Variants in CSTPP1 observed in about 807,000 individuals in gnomAD.
The protein encoded by CSTPP1 is centriolar satellite-associated tubulin polyglutamylase complex regulator 1.
the CSTPP1 span, among the ~76,000 whole-genome samples, chr11:46,993,277 A>T: frequency 6.6e-6 from 1 of 151,274 alleles, no homozygotes; most frequent in East Asian, 1.9e-4. Context: ...TTTTGTTGCC[A>T]TTGCTTTTGG....
the CSTPP1 span, among the ~76,000 whole-genome samples, chr11:47,017,207 C>A: frequency 7.5e-6 from 1 of 133,316 alleles, no homozygotes; most frequent in African/African-American, 2.9e-5. Context: ...TGGAGTCTCA[C>A]TCTGTTCCCC....
At chr11:47,025,323 AC>A in the CSTPP1 span, among the ~76,000 whole-genome samples, 2 of 152,322 alleles carry the variant, frequency 1.3e-5, no homozygotes, top group East Asian at 3.9e-4. Context: ...GTTATATAGG[AC>A]ATGTTGAGAT....
chr11:47,090,068 G>A, the CSTPP1 span, among the ~76,000 whole-genome samples: 1 of 152,102 alleles, frequency 6.6e-6, no homozygotes, highest in Non-Finnish European at 1.5e-5. Context: ...CACAACCTCT[G>A]CCTCCCAGGT....
the CSTPP1 span, among the ~76,000 whole-genome samples, chr11:47,090,255 G>T: frequency 0.078 from 11,940 of 152,206 alleles, 490 homozygotes; most frequent in Non-Finnish European, 0.09. Flanking sequence ...AAAGTGCTAG[G>T]ATTACAGGCG....
At chr11:47,163,024 C>A in the CSTPP1 span, among the ~76,000 whole-genome samples, 201 of 152,074 alleles carry the variant, frequency 1.3e-3, no homozygotes, top group African/African-American at 4.7e-3. Flanking sequence ...TACAAAATAA[C>A]CTTAGCCAGG....
chr11:47,159,950 G>A, the CSTPP1 span: 3 of 330,298 alleles, frequency 9.1e-6, no homozygotes, highest in Admixed American at 1.2e-4. Context: ...GTTGCAGTGA[G>A]CCAAGATCGC....
the CSTPP1 span, among the ~76,000 whole-genome samples, chr11:47,062,384 T>C: frequency 1.3e-5 from 2 of 152,204 alleles, no homozygotes; most frequent in African/African-American, 4.8e-5. Context: ...TCATTCATTT[T>C]ATCAGAGGAT....
At chr11:47,094,832 GAA>G in the CSTPP1 span, among the ~76,000 whole-genome samples, 1 of 152,144 alleles carries the variant, frequency 6.6e-6, no homozygotes, top group Admixed American at 6.5e-5. Context: ...TGTTTAAGAA[GAA>G]ATGGAGGCAC....
chr11:47,155,403 A>ACAGGAT, the CSTPP1 span: 1 of 780,966 alleles, frequency 1.3e-6, no homozygotes, highest in Non-Finnish European at 2.2e-6. Context: ...CGGGTCGCTA[A>ACAGGAT]CAGGATGTCT....
At chr11:47,160,444 G>GAGAT in the CSTPP1 span, 2 of 152,354 alleles carry the variant, frequency 1.3e-5, no homozygotes, top group African/African-American at 4.8e-5. Context: ...TAGAAATCCG[G>GAGAT]AGATACACTG....
chr11:47,099,234 T>G, the CSTPP1 span, among the ~76,000 whole-genome samples: 1 of 152,200 alleles, frequency 6.6e-6, no homozygotes. Flanking sequence ...AAAACCTAAA[T>G]AATGATACTA....
the CSTPP1 span, among the ~76,000 whole-genome samples, chr11:47,090,931 C>T: frequency 3.4e-5 from 5 of 148,904 alleles, no homozygotes; most frequent in African/African-American, 1.2e-4. Flanking sequence ...CCCAGCTACT[C>T]GGGAGGCTGA....
chr11:47,013,990 G>A, the CSTPP1 span, among the ~76,000 whole-genome samples: 1 of 152,040 alleles, frequency 6.6e-6, no homozygotes, highest in Non-Finnish European at 1.5e-5. Flanking sequence ...TGGATTGTTT[G>A]AGCCCAGGAG....
At chr11:47,160,957 A>G in the CSTPP1 span, 1 of 785,194 alleles carries the variant, frequency 1.3e-6, no homozygotes, top group Non-Finnish European at 2.0e-6. Flanking sequence ...AACAGCGAGC[A>G]CCTTCCTGCT....
the CSTPP1 span, among the ~76,000 whole-genome samples, chr11:47,036,034 G>GATATATATATATATATATATATATAT: frequency 3.9e-5 from 1 of 25,394 alleles, no homozygotes; most frequent in South Asian, 9.4e-4. Context: ...GGAGTGAAAA[G>GATATATATATATATATATATATATAT]ATATATATAT....
chr11:47,126,073 T>A, the CSTPP1 span, among the ~76,000 whole-genome samples: 3 of 152,238 alleles, frequency 2.0e-5, no homozygotes, highest in Non-Finnish European at 4.4e-5. Context: ...TATACTTTTC[T>A]CTTCCTAATC....
chr11:47,002,544 G>A, the CSTPP1 span, among the ~76,000 whole-genome samples: 1 of 152,096 alleles, frequency 6.6e-6, no homozygotes, highest in African/African-American at 2.4e-5. Context: ...CTGGTCCCTT[G>A]ACTCGTTTAG....
At chr11:47,120,049 T>TGA in the CSTPP1 span, among the ~76,000 whole-genome samples, 1 of 152,102 alleles carries the variant, frequency 6.6e-6, no homozygotes, top group African/African-American at 2.4e-5. This position sits in a 1 kb window ranked among gnomAD's most constrained non-coding sequence, Gnocchi z 4.2. Flanking sequence ...AAAAATGTGC[T>TGA]TTCAACCATG....
the CSTPP1 span, among the ~76,000 whole-genome samples, chr11:47,038,063 C>A: frequency 1.9e-5 from 2 of 107,592 alleles, no homozygotes; most frequent in African/African-American, 5.4e-5. Flanking sequence ...GGCAGAGGCG[C>A]CCCTCACCTC....
Sources: gnomAD v4.1 joint callset for allele counts (sites outside exome capture counted in the v4.1 genomes callset) on GRCh38, gnomAD v4.1.1 for gene constraint, Gnocchi (gnomAD v3.1) non-coding constraint, MANE v1.5 for transcripts, NCBI Gene and HGNC (gene_info 2026-07-23, HGNC 2026-07-21) for gene names.